The following OR2C1 variants were observed in gnomAD, a reference collection of about 807,000 sequenced individuals.
OR2C1 encodes olfactory receptor 2C1.
For missense variants in OR2C1, 468 were observed against 388.3 expected (o/e 1.21, Z -1.73); for synonymous variants, 209 against 167.3 (o/e 1.25, Z -1.92).
At chr16:3,334,170 A>C in the OR2C1 span, among the ~76,000 whole-genome samples, 23 of 138,796 alleles carry the variant, frequency 1.7e-4, no homozygotes, top group Admixed American at 4.4e-4. Context: ...ATGGAGTATC[A>C]CTCTCTCCCC....
chr16:3,332,903 A>G, the OR2C1 span, among the ~76,000 whole-genome samples: 1 of 152,186 alleles, frequency 6.6e-6, no homozygotes, highest in African/African-American at 2.4e-5. Flanking sequence ...CAGTAGTGGA[A>G]TTGCTAGATC....
At chr16:3,355,465 A>AAAAAAAAAAAAAAAAAAAC (rs1382052254), upstream of OR2C1, among the ~76,000 whole-genome samples, 3 of 141,638 alleles carry the variant, frequency 2.1e-5, no homozygotes, top group Non-Finnish European at 3.1e-5. Flanking sequence ...CTCAAAAAAA[A>AAAAAAAAAAAAAAAAAAAC]AAAAAAAGCT....
chr16:3,324,917 A>T, the OR2C1 span, among the ~76,000 whole-genome samples: 1 of 152,214 alleles, frequency 6.6e-6, no homozygotes, highest in Non-Finnish European at 1.5e-5. Context: ...TTTCCAGTAC[A>T]TATAAAAAAG....
At chr16:3,325,165 A>G in the OR2C1 span, among the ~76,000 whole-genome samples, 5 of 151,804 alleles carry the variant, frequency 3.3e-5, no homozygotes, top group African/African-American at 9.7e-5. Context: ...TATTTTTAGT[A>G]GAGATGGGGT....
At chr16:3,331,790 G>A in the OR2C1 span, among the ~76,000 whole-genome samples, 5 of 149,252 alleles carry the variant, frequency 3.4e-5, no homozygotes, top group African/African-American at 1.2e-4. Context: ...TGTTTATTGC[G>A]GCATTATTCA....
chr16:3,340,061 C>G, the OR2C1 span, among the ~76,000 whole-genome samples: 1 of 152,056 alleles, frequency 6.6e-6, no homozygotes, highest in Non-Finnish European at 1.5e-5. Context: ...GGCAGATCAC[C>G]TGAGGTCAGG....
upstream of OR2C1, chr16:3,355,814 C>T: frequency 1.5e-6 from 1 of 672,818 alleles, no homozygotes; most frequent in Non-Finnish European, 2.5e-6. Flanking sequence ...TGTTACTTAA[C>T]TATGGATCCC....
chr16:3,336,672 T>A, the OR2C1 span, among the ~76,000 whole-genome samples: 2 of 61,334 alleles, frequency 3.3e-5, no homozygotes, highest in African/African-American at 6.7e-5. Flanking sequence ...TAGTTTCTTT[T>A]TCTTTTTTTT....
chr16:3,333,492 C>T, the OR2C1 span, among the ~76,000 whole-genome samples: 1 of 151,868 alleles, frequency 6.6e-6, no homozygotes, highest in Non-Finnish European at 1.5e-5. Flanking sequence ...CCCACTACCG[C>T]GCCCGGCTAG....
chr16:3,327,756 C>G, the OR2C1 span, among the ~76,000 whole-genome samples: 2 of 151,998 alleles, frequency 1.3e-5, no homozygotes, highest in African/African-American at 4.8e-5. Context: ...GCCTACTGAA[C>G]AAAAAACTAA....
rs746529649 is a variant in OR2C1, at chr16:3,356,541, G to T, written c.601G>T (p.Gly201Cys). The stretch of plus-strand genomic sequence containing the variant: ...AAGTCTCAACCAGGCTGTGCTCAAT[G>T]GTGTCTGCACCTTCTTCACTGCAGT... ...DTSLNQAVLN[G>C]VCTFFTAVPL... Residue 201 changes from glycine to cysteine, a missense_variant, in exon 1 of 1, where the codon GGT (glycine) becomes TGT (cysteine). Transcript: ENST00000304936. 1 of 1,614,126 alleles carries T rather than the reference G, an allele frequency of 6.2e-7. No individual in the cohort carries two copies. The highest frequency in any genetic ancestry group is 2.2e-5 in the East Asian group (1 of 44,886).
downstream of OR2C1, among the ~76,000 whole-genome samples, chr16:3,357,634 C>T (rs118099891): frequency 7.9e-5 from 12 of 152,294 alleles, no homozygotes; most frequent in East Asian, 2.3e-3. Context: ...TTGACTTCCC[C>T]AAGTGCTGGG....
the OR2C1 span, among the ~76,000 whole-genome samples, chr16:3,341,150 C>G: frequency 2.6e-5 from 4 of 152,020 alleles, no homozygotes; most frequent in South Asian, 8.3e-4. Flanking sequence ...TTTCAGTGTA[C>G]AAGTCTTTCA....
the OR2C1 span, among the ~76,000 whole-genome samples, chr16:3,327,628 T>G: frequency 6.6e-6 from 1 of 151,158 alleles, no homozygotes; most frequent in African/African-American, 2.4e-5. Flanking sequence ...TGATGATCCC[T>G]GGAGCAAGTT....
chr16:3,323,480 C>T, the OR2C1 span: 35 of 735,532 alleles, frequency 4.8e-5, no homozygotes, highest in Admixed American at 2.1e-4. Context: ...AATGAATTCC[C>T]GGACAGACTT....
At chr16:3,335,673 CCCA>C in the OR2C1 span, among the ~76,000 whole-genome samples, 1 of 151,662 alleles carries the variant, frequency 6.6e-6, no homozygotes, top group Admixed American at 6.6e-5. Context: ...ATTACAGGCG[CCCA>C]CCACCACATC....
chr16:3,325,713 A>G, the OR2C1 span, among the ~76,000 whole-genome samples: 2 of 151,612 alleles, frequency 1.3e-5, 1 homozygote, highest in Middle Eastern at 6.9e-3. Flanking sequence ...TATATCTCAT[A>G]TAGGTAGATA....
upstream of OR2C1, among the ~76,000 whole-genome samples, chr16:3,352,738 C>CTTTTTT (rs56083973): frequency 8.8e-6 from 1 of 113,132 alleles, no homozygotes; most frequent in Non-Finnish European, 1.8e-5. Flanking sequence ...TTCTTTCTTT[C>CTTTTTT]TTTTTTTTTT....
chr16:3,346,633 T>TTTC, the OR2C1 span, among the ~76,000 whole-genome samples: 2 of 149,346 alleles, frequency 1.3e-5, no homozygotes, highest in African/African-American at 2.5e-5. Flanking sequence ...TCTTTTTTTT[T>TTTC]TTTTTTTTGA....
Sources: allele counts gnomAD v4.1 joint callset (sites outside exome capture counted in the v4.1 genomes callset), GRCh38; gene constraint gnomAD v4.1.1; transcripts MANE v1.5; gene names NCBI Gene and HGNC (gene_info 2026-07-23, HGNC 2026-07-21).